Variants in ALOX5 observed in about 807,000 individuals in gnomAD.
The protein encoded by ALOX5 is polyunsaturated fatty acid 5-lipoxygenase.
A neutral mutation model predicts 87.9 loss-of-function variants in ALOX5; 64 were observed. The observed-to-expected ratio is 0.73, with a 90% confidence interval of 0.60 to 0.90. The LOEUF (loss-of-function observed/expected upper bound fraction) is 0.90. Among genes scored for constraint, ALOX5 ranks in the 40% least tolerant of loss-of-function variants. The pLI is 0.00. For synonymous variants in ALOX5, 388 were observed against 355.1 expected (o/e 1.09, Z -1.04); for missense variants, 822 against 907.5 (o/e 0.91, Z 1.21).
chr10:45,427,630 C>T (rs988569155), intron 6 of ALOX5, among the ~76,000 whole-genome samples: 9 of 152,212 alleles, frequency 5.9e-5, no homozygotes, highest in African/African-American at 1.7e-4. Context: ...AGATACTGAC[C>T]CCTCCGCAGC....
chr10:45,415,547 G>T (rs865853952), intron 4 of ALOX5, among the ~76,000 whole-genome samples: 1 of 151,348 alleles, frequency 6.6e-6, no homozygotes. Flanking sequence ...CCTGCACGTT[G>T]TGCACATGTA....
chr10:45,443,193 C>G lies in ALOX5; in HGVS notation c.1428C>G (p.Leu476=). The change falls in exon 10 of 14, where the codon CTC becomes CTG. Residue 476 remains leucine, a synonymous_variant. Coordinates refer to ENST00000374391, the MANE Select transcript of ALOX5 (RefSeq NM_000698.5). ...IPYYFYRDDG[L]LVWEAIRTFT... ...ACTACTTCTACCGGGACGACGGGCTCCTGGTGTGGGAAGCCATCAGGACGT... is the reference window on the plus strand; with the variant it reads ...ACTACTTCTACCGGGACGACGGGCTGCTGGTGTGGGAAGCCATCAGGACGT... 1 of 1,613,624 alleles carries G rather than the reference C, an allele frequency of 6.2e-7. No homozygotes were observed. The highest frequency in any genetic ancestry group is 8.5e-7 in the Non-Finnish European group (1 of 1,179,924).
intron 7 of ALOX5, 26 bp from the exon 8 acceptor site, chr10:45,440,404 G>A (rs1842190607): frequency 1.2e-6 from 2 of 1,607,532 alleles, no homozygotes; most frequent in Non-Finnish European, 1.7e-6. Flanking sequence ...ATATAGCAGT[G>A]TGTTTCCTTT....
In ALOX5 at chr10:45,381,330, G is replaced by T. The variant is rs778550227; in HGVS notation, c.151-1153G>T. ...CTGTGAACTGCAAATGTCCCAGGAC[G>T]ACTCGAATCCATGCAAGCTCCCTGT... On this transcript the variant is annotated intron_variant, in intron 1 of 13. Coordinates refer to ENST00000374391, the MANE Select transcript of ALOX5 (RefSeq NM_000698.5). Among the ~76,000 whole-genome samples the T allele has an allele frequency of 1.7e-4, 26 of 152,224 alleles. 1 individual carries two copies. The highest frequency in any genetic ancestry group is 1.4e-3 in the Admixed American group (22 of 15,286).
At chr10:45,396,677 G>A (rs1488994010) in intron 3 of ALOX5, among the ~76,000 whole-genome samples, 2 of 152,154 alleles carry the variant, frequency 1.3e-5, no homozygotes, top group Non-Finnish European at 2.9e-5. Context: ...TACTGATCTT[G>A]CATAAACTCT....
chr10:45,388,817 G>T (rs1840092418), intron 2 of ALOX5, among the ~76,000 whole-genome samples: 1 of 152,228 alleles, frequency 6.6e-6, no homozygotes, highest in Non-Finnish European at 1.5e-5. Flanking sequence ...AGCTCCTCGC[G>T]AGTGGTGGAA....
chr10:45,398,883 T>C (rs1181800987), intron 3 of ALOX5, among the ~76,000 whole-genome samples: 1 of 152,248 alleles, frequency 6.6e-6, no homozygotes, highest in African/African-American at 2.4e-5. Context: ...ATGGCACAGC[T>C]GCTTGGGAAA....
intron 2 of ALOX5, among the ~76,000 whole-genome samples, chr10:45,389,308 G>A (rs1016166947): frequency 6.6e-6 from 1 of 152,058 alleles, no homozygotes; most frequent in Non-Finnish European, 1.5e-5. Flanking sequence ...CCCTAGCAAG[G>A]CAGGCCAACA....
chr10:45,385,948 G>A (rs1410752221), intron 2 of ALOX5, among the ~76,000 whole-genome samples: 1 of 152,128 alleles, frequency 6.6e-6, no homozygotes, highest in Non-Finnish European at 1.5e-5. Context: ...GAAGCCTATA[G>A]TTCCAGCACT....
chr10:45,393,894 A>G lies in ALOX5; in HGVS notation c.350-1961A>G, dbSNP rs61586876. Among the ~76,000 whole-genome samples, 881 of 152,376 alleles carry G rather than the reference A, an allele frequency of 5.8e-3. 8 individuals are homozygous for G. The highest frequency in any genetic ancestry group is 0.02 in the African/African-American group (820 of 41,586). ...AATAAAATACCTAAGAATCCAACTT[A>G]CAAGGGATGTGAAGGACCTCTTCAA... is the stretch of plus-strand genomic sequence containing the variant. On this transcript the variant is annotated intron_variant, in intron 2 of 13. Coordinates refer to ENST00000374391, the MANE Select transcript of ALOX5 (RefSeq NM_000698.5).
At chr10:45,441,496 T>C in intron 9 of ALOX5, 66 bp downstream of exon 9, 2 of 1,496,946 alleles carry the variant, frequency 1.3e-6, no homozygotes. Context: ...ACTCCCTATC[T>C]GAGATCTAGA....
intron 1 of ALOX5, among the ~76,000 whole-genome samples, chr10:45,378,248 A>C (rs1341934038): frequency 6.6e-6 from 1 of 151,876 alleles, no homozygotes; most frequent in Non-Finnish European, 1.5e-5. Context: ...TCCAGGGTAC[A>C]AACCAGGGCT....
chr10:45,429,099 A>C (rs113129789), intron 7 of ALOX5, among the ~76,000 whole-genome samples: 1 of 152,078 alleles, frequency 6.6e-6, no homozygotes, highest in Admixed American at 6.6e-5. Flanking sequence ...GGAGACCAAG[A>C]CCACTGAGGG....
At chr10:45,445,398 C>T in intron 13 of ALOX5, 110 bp from the exon 14 acceptor site, 2 of 1,319,142 alleles carry the variant, frequency 1.5e-6, no homozygotes, top group Non-Finnish European at 2.1e-6. Context: ...TGAATAGATG[C>T]TCCCTCCTTC....
At position 45,395,850 on chromosome 10, in the gene ALOX5, T is replaced by C; in HGVS notation, c.350-5T>C. 6.2e-7 allele frequency: 1 copy of C among 1,614,112 alleles called. No homozygotes were observed. The highest frequency in any genetic ancestry group is 1.1e-5 in the South Asian group (1 of 91,084). On this transcript the variant is annotated splice_polypyrimidine_tract_variant and splice_region_variant and intron_variant, in intron 2 of 13. Transcript: ENST00000374391. Reference sequence around the variant, plus strand: ...GGCTCCTCTCATGTTGTTCTTTCTTTACAGCAAAGTTGGCCCGAGATGACC... The same window carrying C: ...GGCTCCTCTCATGTTGTTCTTTCTTCACAGCAAAGTTGGCCCGAGATGACC...
chr10:45,424,980 C>A lies in ALOX5; in HGVS notation c.682C>A (p.Gln228Lys). Reference sequence around the variant, plus strand: ...GGTAGAGCGGGTCATGAATCACTGGCAGGAAGACCTGATGTTTGGCTACCA... The same window carrying A: ...GGTAGAGCGGGTCATGAATCACTGGAAGGAAGACCTGATGTTTGGCTACCA... The part of the protein sequence containing the change: ...TISERVMNHW[Q>K]EDLMFGYQFL... Residue 228 changes from glutamine to lysine, a missense_variant, in exon 6 of 14, where the codon CAG (glutamine) becomes AAG (lysine). Coordinates refer to ENST00000374391, the MANE Select transcript of ALOX5 (RefSeq NM_000698.5). 6.2e-7 allele frequency: 1 copy of A among 1,614,204 alleles called. No homozygotes were observed. Among genetic ancestry groups the A allele is most frequent in the Non-Finnish European group, 8.5e-7 (1 of 1,180,020 alleles).
chr10:45,426,958 G>A (rs538610412), intron 6 of ALOX5, among the ~76,000 whole-genome samples: 7 of 152,214 alleles, frequency 4.6e-5, no homozygotes, highest in South Asian at 2.1e-4. Flanking sequence ...GGCCATCCTC[G>A]GGCCTCACTG....
intron 2 of ALOX5, among the ~76,000 whole-genome samples, chr10:45,390,994 T>G (rs1185602699): frequency 2.2e-5 from 1 of 45,982 alleles, no homozygotes; most frequent in Admixed American, 2.2e-4. Flanking sequence ...CTCTCCCCTC[T>G]CCCCTCTCCC....
At chr10:45,424,259 G>C in intron 5 of ALOX5, 112 bp downstream of exon 5, 3 of 881,912 alleles carry the variant, frequency 3.4e-6, no homozygotes, top group Non-Finnish European at 5.6e-6. Context: ...CAGCATGGGG[G>C]CCTCGCTGCC....
Sources: allele counts gnomAD v4.1 joint callset (sites outside exome capture counted in the v4.1 genomes callset), GRCh38; gene constraint gnomAD v4.1.1; transcripts MANE v1.5; gene names NCBI Gene and HGNC (gene_info 2026-07-23, HGNC 2026-07-21).